The following SGSM2 variants were observed in gnomAD, a reference collection of about 807,000 sequenced individuals.
SGSM2 encodes RUN and TBC1 domain containing 1.
SGSM2 carries 89 observed loss-of-function variants against 126.6 expected under a neutral mutation model. The ratio of observed to expected loss-of-function variants is 0.70; its 90% CI spans 0.59 to 0.84. The LOEUF (loss-of-function observed/expected upper bound fraction) is 0.84. SGSM2 is among the 40% of genes least tolerant of loss of function. The pLI, the probability that SGSM2 is intolerant of heterozygous loss-of-function variation, is 0.00. For missense variants in SGSM2, 1,404 were observed against 1,416.6 expected (o/e 0.99, Z 0.14); for synonymous variants, 614 against 574.3 (o/e 1.07, Z -0.99).
intron 1 of SGSM2, among the ~76,000 whole-genome samples, chr17:2,340,776 G>A (rs1045666172): frequency 4.0e-5 from 6 of 151,754 alleles, no homozygotes; most frequent in Admixed American, 2.0e-4. Context: ...AGTAGAGACG[G>A]GGTTTCACCA....
chr17:2,378,628 A>T (rs545137873), intron 22 of SGSM2, among the ~76,000 whole-genome samples: 2 of 152,330 alleles, frequency 1.3e-5, no homozygotes, highest in East Asian at 1.9e-4. Context: ...TACAACTCTC[A>T]TAGATCATAG....
At chr17:2,340,878 C>G (rs1049849488) in intron 1 of SGSM2, among the ~76,000 whole-genome samples, 22 of 152,184 alleles carry the variant, frequency 1.4e-4, no homozygotes, top group Non-Finnish European at 2.9e-4. Context: ...GCCACCACGC[C>G]TGGCCCAGTG....
Position 2,371,474 on chromosome 17 carries a change from C to T in SGSM2, c.1577+59C>T, listed in dbSNP as rs2065869450. The stretch of plus-strand genomic sequence containing the variant: ...TAGCGTGTCCAGCCACGTGTGTGTC[C>T]GTCTGTCCTTAAAGGCCGTGTCACC... On this transcript the variant is annotated intron_variant, in intron 13 of 23. Coordinates refer to ENST00000268989, the MANE Select transcript of SGSM2 (RefSeq NM_014853.3). 18 of 1,524,480 alleles carry T rather than the reference C, an allele frequency of 1.2e-5. 1 individual carries two copies. The highest frequency in any genetic ancestry group is 2.4e-4 in the Middle Eastern group (1 of 4,244). The allele number at this position is 1,524,480 out of a possible 1,614,324, so 94.4% of individuals were successfully genotyped here.
rs769036526 is a variant in SGSM2 at position 2,343,637 on chromosome 17, A to G, written c.133+17A>G. The G allele has an allele frequency of 1.2e-6, 2 of 1,612,574 alleles. No individual in the cohort carries two copies. The highest frequency in any genetic ancestry group is 2.7e-5 in the African/African-American group (2 of 74,904). The stretch of plus-strand genomic sequence containing the variant: ...CTTTATGTGGTGAGTGAGTGACTGA[A>G]GGATGATGGGAGGTCGGTCTAGAGC... On this transcript the variant is annotated intron_variant, in intron 2 of 23. Transcript: ENST00000268989.
Position 2,375,726 on chromosome 17 carries a change from G to A in SGSM2, c.2335G>A (p.Glu779Lys). 1.9e-6 allele frequency: 3 copies of A among 1,609,818 alleles called. No individual in the cohort carries two copies. The highest frequency in any genetic ancestry group is 2.5e-6 in the Non-Finnish European group (3 of 1,176,980). ...GGGGCAGAGCGTGGGCTTCGAAGAG[G>A]AGGACGGCGGTGGGGAGGAAGGCTC... is the stretch of plus-strand genomic sequence containing the variant. ...DEGQSVGFEE[E>K]DGGGEEGSSG... The change falls in exon 18 of 24, where the codon GAG (glutamate) becomes AAG (lysine). Residue 779 changes from glutamate (E) to lysine (K), a missense_variant. Physicochemically the swap from Glu to Lys is moderately conservative, Grantham distance 56 (BLOSUM62 1). Coordinates refer to ENST00000268989, the MANE Select transcript of SGSM2 (RefSeq NM_014853.3).
In SGSM2 at chr17:2,365,213, A is replaced by G. The variant is rs755425174; in HGVS notation, c.1162-2A>G. The G allele has an allele frequency of 2.5e-6, 4 of 1,609,582 alleles. No individual in the cohort carries two copies. Among genetic ancestry groups the G allele is most frequent in the Non-Finnish European group, 3.4e-6 (4 of 1,177,210 alleles). ...CCCGACCACCTACCCCTCCTTCCACAGGGGAAAGTGTTCCCCAAGCTACGG... is the reference window on the plus strand; with the variant it reads ...CCCGACCACCTACCCCTCCTTCCACGGGGGAAAGTGTTCCCCAAGCTACGG... On this transcript the variant is annotated splice_acceptor_variant, in intron 10 of 23. Coordinates refer to ENST00000268989, the MANE Select transcript of SGSM2 (RefSeq NM_014853.3). LOFTEE classifies it high-confidence loss of function.
chr17:2,371,130 G>T, intron 12 of SGSM2, 132 bp from the exon 13 acceptor site: 4 of 1,021,078 alleles, frequency 3.9e-6, no homozygotes, highest in South Asian at 1.7e-5. Context: ...GACCAGGCAG[G>T]CCCCACCTCT....
chr17:2,380,976 A>T lies in SGSM2; in HGVS notation c.*1456A>T, dbSNP rs1035569757. The stretch of plus-strand genomic sequence containing the variant: ...GCCTTAGTGACTCCGTGGTTTTGTG[A>T]GGAGCAGAGTGTGTATGATTTTTGC... On this transcript the variant is annotated 3_prime_UTR_variant, in exon 24 of 24. Coordinates refer to ENST00000268989, the MANE Select transcript of SGSM2 (RefSeq NM_014853.3). The T allele has an allele frequency of 6.5e-6, 1 of 153,672 alleles. No homozygotes were observed. The highest frequency in any genetic ancestry group is 1.4e-5 in the Non-Finnish European group (1 of 69,196). The allele number at this position is 153,672 out of a possible 1,614,324, so 9.5% of individuals were successfully genotyped here.
At position 2,380,700 on chromosome 17, in the gene SGSM2, T is replaced by C. The variant is rs2066372805; in HGVS notation, c.*1180T>C. ...ACCCCAACACATGCAGGCTAGGCCT[T>C]GCCCTGGAACATGGAGGCCCTGCCC... On this transcript the variant is annotated 3_prime_UTR_variant, in exon 24 of 24. Coordinates refer to ENST00000268989, the MANE Select transcript of SGSM2 (RefSeq NM_014853.3). The C allele has an allele frequency of 3.7e-6, 1 of 271,004 alleles. No homozygotes were observed. Among genetic ancestry groups the C allele is most frequent in the African/African-American group, 2.2e-5 (1 of 44,748 alleles). The allele number at this position is 271,004 out of a possible 1,614,324, so 16.8% of individuals were successfully genotyped here.
At position 2,361,634 on chromosome 17, in the gene SGSM2, T is replaced by C; in HGVS notation, c.134-3T>C. The C allele has an allele frequency of 6.2e-7, 1 of 1,613,486 alleles. No individual in the cohort carries two copies. The highest frequency in any genetic ancestry group is 2.2e-5 in the East Asian group (1 of 44,888). ...TCAGATGCCGTTTCCCTTTGTGGCC[T>C]AGGTGCAGTGGAGGCTTGCCTCTTG... On this transcript the variant is annotated splice_polypyrimidine_tract_variant and splice_region_variant and intron_variant, in intron 2 of 23. Coordinates refer to ENST00000268989, the MANE Select transcript of SGSM2 (RefSeq NM_014853.3).
chr17:2,338,723 A>T (rs2064201095), intron 1 of SGSM2, among the ~76,000 whole-genome samples: 1 of 149,490 alleles, frequency 6.7e-6, no homozygotes, highest in African/African-American at 2.4e-5. Context: ...TACATTTTGG[A>T]ATAGTCTGGA....
chr17:2,343,722 C>A, intron 2 of SGSM2, 102 bp downstream of exon 2: 3 of 999,738 alleles, frequency 3.0e-6, no homozygotes, highest in Non-Finnish European at 4.6e-6. Context: ...GCTCTCAAAT[C>A]TGGCTGCAAG....
rs771392958 is a variant in SGSM2, at chr17:2,375,621, G to C, written c.2230G>C (p.Glu744Gln). 43 of 1,613,948 alleles carry C rather than the reference G, an allele frequency of 2.7e-5. No homozygotes were observed. Among genetic ancestry groups the C allele is most frequent in the Non-Finnish European group, 3.5e-5 (41 of 1,180,046 alleles). Residue 744 changes from glutamate to glutamine, a missense_variant, in exon 18 of 24, where the codon GAG (glutamate) becomes CAG (glutamine). By Grantham distance (29) the Glu-to-Gln change is conservative. Coordinates refer to ENST00000268989, the MANE Select transcript of SGSM2 (RefSeq NM_014853.3). ...CGTGGTGGAGCAGCAGCATTCCGTG[G>C]AGTTCGACTCTCCAGACTCAGGACT... Reference protein sequence around the residue: ...TAVVEQQHSVEFDSPDSGLPS... With the variant: ...TAVVEQQHSVQFDSPDSGLPS...
intron 2 of SGSM2, among the ~76,000 whole-genome samples, chr17:2,352,327 A>G (rs1225006500): frequency 6.6e-6 from 1 of 152,232 alleles, no homozygotes; most frequent in Non-Finnish European, 1.5e-5. Flanking sequence ...CCCCAGGTCC[A>G]GAATGGACTA....
At chr17:2,338,017 G>C (rs3815469) in intron 1 of SGSM2, among the ~76,000 whole-genome samples, 2 of 151,968 alleles carry the variant, frequency 1.3e-5, no homozygotes, top group African/African-American at 4.8e-5. Context: ...GGGAGCCCAA[G>C]GCCGGGGGAG....
Position 2,380,255 on chromosome 17 carries a change from T to A in SGSM2, c.*735T>A. 3.3e-6 allele frequency: 5 copies of A among 1,535,956 alleles called. No homozygotes were observed. Among genetic ancestry groups the A allele is most frequent in the Non-Finnish European group, 4.4e-6 (5 of 1,146,860 alleles). On this transcript the variant is annotated 3_prime_UTR_variant, in exon 24 of 24. Transcript: ENST00000268989. ...CGCTCCTGCCACCCCACCCTTGCGT[T>A]CTGCATTAGGTACTTCCCTGAAAAC...
Position 2,367,825 on chromosome 17 carries a change from T to C in SGSM2, c.1423+420T>C, listed in dbSNP as rs112908649. ...GACTCCTGACTTAACAGAAACAGGATGGAGGTACCGGGTCCTTCCTGGGGC... is the reference window on the plus strand; with the variant it reads ...GACTCCTGACTTAACAGAAACAGGACGGAGGTACCGGGTCCTTCCTGGGGC... On this transcript the variant is annotated intron_variant, in intron 12 of 23. Coordinates refer to ENST00000268989, the MANE Select transcript of SGSM2 (RefSeq NM_014853.3). The surrounding 1 kb of genome is among the most constrained non-coding windows in gnomAD (Gnocchi z 4.0). Among the ~76,000 whole-genome samples, 1,187 of 152,170 alleles carry C rather than the reference T, an allele frequency of 7.8e-3. 19 individuals are homozygous for C. Among genetic ancestry groups the C allele is most frequent in the African/African-American group, 0.028 (1,142 of 41,500 alleles).
rs967403022 is a variant in SGSM2 at position 2,379,977 on chromosome 17, C to T, written c.*457C>T. 8.7e-6 allele frequency: 12 copies of T among 1,373,260 alleles called. No homozygotes were observed. Among genetic ancestry groups the T allele is most frequent in the South Asian group, 1.7e-5 (1 of 59,280 alleles). The allele number at this position is 1,373,260 out of a possible 1,614,324, so 85.1% of individuals were successfully genotyped here. ...CCCTTTGCAGTCCCAGTATATTGTG[C>T]GTGCACCAGCCCCAGCTGGAGCAAC... On this transcript the variant is annotated 3_prime_UTR_variant, in exon 24 of 24. Coordinates refer to ENST00000268989, the MANE Select transcript of SGSM2 (RefSeq NM_014853.3).
Position 2,345,595 on chromosome 17 carries a change from CA to C in SGSM2, c.133+1996del, listed in dbSNP as rs1228278801. On this transcript the variant is annotated intron_variant, in intron 2 of 23. Transcript: ENST00000268989. ...TGGGTGACAGAGCGAGACTCTGTCT[CA>C]AAAAAAAAAAAAAAAAAAAATTCCT... Among the ~76,000 whole-genome samples, 309 of 84,194 alleles carry C rather than the reference CA, an allele frequency of 3.7e-3. 1 individual carries two copies. The highest frequency in any genetic ancestry group is 7.6e-3 in the African/African-American group (162 of 21,316). The allele number at this position is 84,194 out of a possible 152,430, so 55.2% of individuals were successfully genotyped here.
Sources: gnomAD v4.1 joint callset for allele counts (sites outside exome capture counted in the v4.1 genomes callset) on GRCh38, gnomAD v4.1.1 for gene constraint, Gnocchi (gnomAD v3.1) non-coding constraint, MANE v1.5 for transcripts, NCBI Gene and HGNC (gene_info 2026-07-23, HGNC 2026-07-21) for gene names.